Variants in FRMD7 observed in about 807,000 individuals in gnomAD.
FRMD7 encodes FERM domain-containing protein 7.
In FRMD7, 14 loss-of-function variants were observed where a neutral mutation model predicts 44.1. That is an observed-to-expected ratio of 0.32 (90% confidence interval 0.21 to 0.50). The LOEUF is 0.50. Among genes scored for constraint, FRMD7 ranks in the 20% least tolerant of loss-of-function variants. The probability of loss-of-function intolerance (pLI) is 0.99; values close to 1 mark genes in which losing one functional copy is unlikely to be tolerated. For missense variants in FRMD7, 501 were observed against 522.3 expected (o/e 0.96, Z 0.40); for synonymous variants, 212 against 187.4 (o/e 1.13, Z -1.07).
At chrX:132,101,575 C>G (rs1928500666) in intron 1 of FRMD7, among the ~76,000 whole-genome samples, 1 of 112,256 alleles carries the variant, frequency 8.9e-6, no homozygotes, top group South Asian at 3.7e-4. Context: ...AGTTCTAATT[C>G]AGAGCCTGGC....
intron 1 of FRMD7, among the ~76,000 whole-genome samples, chrX:132,120,115 C>G (rs1027615331): frequency 8.9e-6 from 1 of 112,159 alleles, no homozygotes; most frequent in Non-Finnish European, 1.9e-5. Flanking sequence ...AATTTGGACT[C>G]AGCTCAGTCA....
Position 132,077,234 on chromosome X carries a change from TTTAA to T in FRMD7, c.*634_*637del, listed in dbSNP as rs1007566523. On this transcript the variant is annotated 3_prime_UTR_variant, in exon 12 of 12. Transcript: ENST00000298542. ...GTTTATGTCTGGCTCTAGAAATTGA[TTTAA>T]TTCATGAATTTCCTAGGTTTAGAAT... is the stretch of plus-strand genomic sequence containing the variant. 1.3e-4 allele frequency: 14 copies of T among 111,874 alleles called. No homozygotes were observed. Among genetic ancestry groups the T allele is most frequent in the African/African-American group, 4.5e-4 (14 of 30,792 alleles). The allele number at this position is 111,874 out of a possible 1,213,427, so 9.2% of individuals were successfully genotyped here.
At chrX:132,124,305 C>G (rs1222770430) in intron 1 of FRMD7, among the ~76,000 whole-genome samples, 1 of 111,827 alleles carries the variant, frequency 8.9e-6, no homozygotes, top group Non-Finnish European at 1.9e-5. Context: ...CACCCACTCC[C>G]ATCATCATTC....
rs1927651960 is a variant in FRMD7 at position 132,077,810 on chromosome X, A to G, written c.*62T>C. On this transcript the variant is annotated 3_prime_UTR_variant, in exon 12 of 12. Coordinates refer to ENST00000298542, the MANE Select transcript of FRMD7 (RefSeq NM_194277.3). ...CCAAGAAAATGGTTTCTACAACTTC[A>G]TTATTTTCTGCCTAAGTCGGTAACA... The G allele has an allele frequency of 8.3e-7, 1 of 1,204,207 alleles. No homozygotes were observed. The highest frequency in any genetic ancestry group is 1.8e-5 in the African/African-American group (1 of 57,063).
chrX:132,102,147 T>C (rs1487345660), intron 1 of FRMD7, among the ~76,000 whole-genome samples: 4 of 110,034 alleles, frequency 3.6e-5, no homozygotes, highest in Admixed American at 9.7e-5. Flanking sequence ...AGCCCACATC[T>C]GGGATTTAAT....
chrX:132,118,123 C>T (rs1448981273), intron 1 of FRMD7, among the ~76,000 whole-genome samples: 1 of 111,257 alleles, frequency 9.0e-6, no homozygotes, highest in African/African-American at 3.3e-5. Flanking sequence ...CCAAACTGTG[C>T]ATCAGAATTC....
chrX:132,111,373 A>G (rs1041833358), intron 1 of FRMD7, among the ~76,000 whole-genome samples: 7 of 111,416 alleles, frequency 6.3e-5, no homozygotes, highest in African/African-American at 2.3e-4. Context: ...CCTGAGTTCA[A>G]GCAATCCACC....
At chrX:132,107,363 C>T (rs1306334740) in intron 1 of FRMD7, among the ~76,000 whole-genome samples, 1 of 111,825 alleles carries the variant, frequency 8.9e-6, no homozygotes, top group Non-Finnish European at 1.9e-5. Context: ...AGATGATAAT[C>T]ATTCATTCTC....
At chrX:132,107,604 G>GGAGAGACAGAGAGAGA (rs1556025736) in intron 1 of FRMD7, among the ~76,000 whole-genome samples, 1 of 91,196 alleles carries the variant, frequency 1.1e-5, no homozygotes, top group African/African-American at 4.4e-5. Context: ...TCTACATGGT[G>GGAGAGACAGAGAGAGA]GAGAGAGAGA....
In FRMD7 at chrX:132,078,107, A is replaced by C; in HGVS notation, c.1910T>G (p.Met637Arg). 1 of 1,211,388 alleles carries C rather than the reference A, an allele frequency of 8.3e-7. No individual in the cohort carries two copies. Residue 637 changes from methionine (M) to arginine (R), a missense_variant, in exon 12 of 12, where the codon ATG becomes AGG. Around this residue, in one of 3 missense-constraint regions of FRMD7, gnomAD observed 453 missense variants for 452.7 expected, o/e 1.00. Transcript: ENST00000298542. ...FAEQELPAVL[M>R]DQSTAERYVA... ...ATACCTTTCTGCTGTACTTTGATCC[A>C]TTAGAACTGCTGGCAACTCCTGCTC... is the stretch of plus-strand genomic sequence containing the variant.
At chrX:132,085,539 C>T (rs751352646) in intron 7 of FRMD7, 42 bp downstream of exon 7, 2 of 1,184,269 alleles carry the variant, frequency 1.7e-6, no homozygotes, top group Admixed American at 2.2e-5. Flanking sequence ...AGATAACCAC[C>T]CCTCACTAAA....
At chrX:132,126,022 T>C in intron 1 of FRMD7, among the ~76,000 whole-genome samples, 1 of 111,694 alleles carries the variant, frequency 9.0e-6, no homozygotes, top group Non-Finnish European at 1.9e-5. Context: ...AAGTGCTTTG[T>C]AAATTTTAAA....
intron 5 of FRMD7, among the ~76,000 whole-genome samples, chrX:132,091,518 C>A (rs1264648505): frequency 9.0e-6 from 1 of 111,319 alleles, no homozygotes; most frequent in Non-Finnish European, 1.9e-5. Flanking sequence ...CCTACCCTGT[C>A]CACCTTATTT....
intron 5 of FRMD7, among the ~76,000 whole-genome samples, chrX:132,086,427 C>T (rs1028297550): frequency 9.0e-6 from 1 of 111,328 alleles, no homozygotes; most frequent in Non-Finnish European, 1.9e-5. Flanking sequence ...ATGTTGGAGT[C>T]CTAATTCCAG....
chrX:132,111,120 A>G (rs1337971566), intron 1 of FRMD7, among the ~76,000 whole-genome samples: 2 of 112,195 alleles, frequency 1.8e-5, no homozygotes, highest in Non-Finnish European at 3.8e-5. Context: ...GCAATGAAAT[A>G]TGATCACATC....
intron 4 of FRMD7, 169 bp from the exon 5 acceptor site, chrX:132,094,308 A>G: frequency 2.2e-6 from 1 of 449,491 alleles, no homozygotes; most frequent in East Asian, 4.0e-5. Context: ...GCCCCAAACC[A>G]GACCCGGACC....
At chrX:132,100,934 C>A (rs1382508680) in intron 1 of FRMD7, among the ~76,000 whole-genome samples, 1 of 111,783 alleles carries the variant, frequency 8.9e-6, no homozygotes, top group Non-Finnish European at 1.9e-5. Flanking sequence ...AGCCTTATAA[C>A]AAACCACCTT....
chrX:132,112,158 A>T (rs765431339), intron 1 of FRMD7, among the ~76,000 whole-genome samples: 34 of 112,242 alleles, frequency 3.0e-4, no homozygotes, highest in Non-Finnish European at 6.0e-4. Context: ...TAAATCACCT[A>T]GGGAACGAGG....
Position 132,085,952 on chromosome X carries a change from C to T in FRMD7, c.465G>A (p.Glu155=). 8.3e-7 allele frequency: 1 copy of T among 1,204,110 alleles called. No homozygotes were observed. Among genetic ancestry groups the T allele is most frequent in the Non-Finnish European group, 1.1e-6 (1 of 888,461 alleles). ...TRYLPNQDCL[E]GKIMHFHQKH... ...TCTGATGAAAGTGCATGATCTTGCCCTCTAAACAGTCTTGGTTTGGTAAGT... is the reference window on the plus strand; with the variant it reads ...TCTGATGAAAGTGCATGATCTTGCCTTCTAAACAGTCTTGGTTTGGTAAGT... Residue 155 remains glutamate (E), a synonymous_variant, in exon 6 of 12, where the codon GAG becomes GAA. Coordinates refer to ENST00000298542, the MANE Select transcript of FRMD7 (RefSeq NM_194277.3).
Sources: gnomAD v4.1 joint callset for allele counts (sites outside exome capture counted in the v4.1 genomes callset) on GRCh38, gnomAD v4.1.1 for gene constraint, gnomAD v4.1.1 regional missense constraint, MANE v1.5 for transcripts, NCBI Gene and HGNC (gene_info 2026-07-23, HGNC 2026-07-21) for gene names.